The following CASP10 variants were observed in gnomAD, a reference collection of about 807,000 sequenced individuals.
CASP10 encodes caspase-10.
Under a neutral mutation model 48.5 loss-of-function variants are expected in CASP10, and 41 were observed. The ratio of observed to expected loss-of-function variants is 0.85; its 90% CI spans 0.66 to 1.10. CASP10 has a LOEUF of 1.10. Among genes scored for constraint, CASP10 ranks in the 50% least tolerant of loss-of-function variants. The pLI, the probability that CASP10 is intolerant of heterozygous loss-of-function variation, is 0.00. For missense variants in CASP10, 614 were observed against 614.5 expected (o/e 1.00, Z 0.01); for synonymous variants, 232 against 238.4 (o/e 0.97, Z 0.25).
At position 201,209,038 on chromosome 2, in the gene CASP10, TC is replaced by T; in HGVS notation, c.923-31del. Reference sequence around the variant, plus strand: ...ATTATTTCCCCTTTCTCTCTCTCTCTCTCTTTTTTTTTTTTTTTTGTTTTTA... The same window carrying T: ...ATTATTTCCCCTTTCTCTCTCTCTCTTCTTTTTTTTTTTTTTTTGTTTTTA... On this transcript the variant is annotated intron_variant, in intron 8 of 9. Transcript: ENST00000286186. 3.8e-6 allele frequency: 6 copies of T among 1,561,946 alleles called. No homozygotes were observed. In the South Asian group the frequency reaches 4.6e-5, roughly 12 times the overall value.
chr2:201,213,826 T>A (rs1030463356), intron 9 of CASP10: 2 of 152,162 alleles, frequency 1.3e-5, no homozygotes, highest in South Asian at 4.1e-4. Context: ...TTTAGATCAG[T>A]TTGTCGTAGA....
chr2:201,206,049 T>C (rs1349627378), intron 7 of CASP10, 76 bp downstream of exon 7: 3 of 858,900 alleles, frequency 3.5e-6, no homozygotes, highest in Admixed American at 2.1e-5. Flanking sequence ...ACGGTTTCTT[T>C]AGGGGCTCTC....
downstream of CASP10, among the ~76,000 whole-genome samples, chr2:201,225,339 T>C (rs1405628669): frequency 6.6e-6 from 1 of 152,192 alleles, no homozygotes; most frequent in African/African-American, 2.4e-5. Flanking sequence ...TAAATCCTTG[T>C]CCTCCAAATT....
At chr2:201,217,113 T>C (rs1259385598) in intron 9 of CASP10, among the ~76,000 whole-genome samples, 2 of 152,206 alleles carry the variant, frequency 1.3e-5, no homozygotes, top group African/African-American at 4.8e-5. Context: ...AGGAATTGTG[T>C]CATGTCTATC....
chr2:201,224,904 T>C (rs930390161), downstream of CASP10, among the ~76,000 whole-genome samples: 3 of 152,202 alleles, frequency 2.0e-5, no homozygotes, highest in Non-Finnish European at 4.4e-5. Context: ...TATTTATAAT[T>C]CTATTTTGCT....
intron 5 of CASP10, chr2:201,200,785 A>G (rs1944990963): frequency 5.4e-6 from 6 of 1,118,210 alleles, no homozygotes; most frequent in Non-Finnish European, 6.6e-6. Context: ...AATGGGAAAT[A>G]ACACAGAATT....
In CASP10 at chr2:201,220,373, T is replaced by G. The variant is rs1296302188; in HGVS notation, c.*2632T>G. On this transcript the variant is annotated 3_prime_UTR_variant, in exon 10 of 10. Coordinates refer to ENST00000286186, the MANE Select transcript of CASP10 (RefSeq NM_032977.4). ...CTTGGGTAACTGCCAAACTTTGCCTTCATACAATGGGTTCCAGGAAAACAA... is the reference window on the plus strand; with the variant it reads ...CTTGGGTAACTGCCAAACTTTGCCTGCATACAATGGGTTCCAGGAAAACAA... 6.2e-6 allele frequency: 1 copy of G among 160,348 alleles called. No homozygotes were observed. The highest frequency in any genetic ancestry group is 1.3e-5 in the Non-Finnish European group (1 of 75,698). The allele number at this position is 160,348 out of a possible 1,614,324, so 9.9% of individuals were successfully genotyped here.
chr2:201,204,715 C>T (rs1945140770), intron 6 of CASP10, among the ~76,000 whole-genome samples: 1 of 152,154 alleles, frequency 6.6e-6, no homozygotes, highest in African/African-American at 2.4e-5. Flanking sequence ...CAGGCTATCC[C>T]AGTGTCTATT....
intron 5 of CASP10, among the ~76,000 whole-genome samples, chr2:201,202,896 A>G (rs1945069759): frequency 6.6e-6 from 1 of 152,194 alleles, no homozygotes; most frequent in African/African-American, 2.4e-5. Context: ...TGTATGCCCA[A>G]GGTAGTGCAT....
intron 1 of CASP10, among the ~76,000 whole-genome samples, chr2:201,184,391 A>G (rs1944337423): frequency 6.6e-6 from 1 of 151,968 alleles, no homozygotes; most frequent in Non-Finnish European, 1.5e-5. Flanking sequence ...TGGCACAATC[A>G]TGGCTCACTG....
At chr2:201,187,845 C>A in intron 3 of CASP10, 46 bp downstream of exon 3, 1 of 1,331,804 alleles carries the variant, frequency 7.5e-7, no homozygotes, top group South Asian at 1.2e-5. Flanking sequence ...CTGTCTTAAT[C>A]AATGATTAGA....
At position 201,218,857 on chromosome 2, in the gene CASP10, T is replaced by C; in HGVS notation, c.*1116T>C. On this transcript the variant is annotated 3_prime_UTR_variant, in exon 10 of 10. Coordinates refer to ENST00000286186, the MANE Select transcript of CASP10 (RefSeq NM_032977.4). ...GCCAGGCCCATTTCCTGCTTTTGTG[T>C]AAGGAAGGTGCTCACATAGGAAGTT... The C allele has an allele frequency of 1.0e-6, 1 of 985,432 alleles. No homozygotes were observed. The highest frequency in any genetic ancestry group is 1.2e-6 in the Non-Finnish European group (1 of 829,932). 61.0% of individuals were successfully genotyped at this position (985,432 alleles called of 1,614,324 possible). A position where few individuals can be genotyped will look rare whatever the true frequency, so the allele number is the denominator to read the frequency against.
At position 201,227,229 on chromosome 2, in the gene CASP10, T is replaced by C. The variant is rs142971091; in HGVS notation, c.1416-1704T>C. The stretch of plus-strand genomic sequence containing the variant: ...TGCGTCTCAGTGCTGATTAATGGAA[T>C]TTAGCCACCAGATTGGGTGATTTTT... On this transcript the variant is annotated intron_variant, in intron 9 of 9. Coordinates refer to the CASP10 transcript ENST00000272879. Among the ~76,000 whole-genome samples, 403 of 152,320 alleles carry C rather than the reference T, an allele frequency of 2.6e-3. 3 individuals are homozygous for C. Among genetic ancestry groups the C allele is most frequent in the African/African-American group, 9.0e-3 (376 of 41,576 alleles).
intron 1 of CASP10, among the ~76,000 whole-genome samples, chr2:201,184,172 T>A (rs1232447638): frequency 2.0e-5 from 3 of 152,100 alleles, no homozygotes; most frequent in East Asian, 3.9e-4. Flanking sequence ...GCTTCTCTGA[T>A]TATAATGAAA....
chr2:201,199,139 A>G (rs1944921007), intron 5 of CASP10, among the ~76,000 whole-genome samples: 1 of 152,196 alleles, frequency 6.6e-6, no homozygotes, highest in African/African-American at 2.4e-5. Flanking sequence ...TGCATACATC[A>G]TGGCCTTTTA....
Position 201,219,239 on chromosome 2 carries a change from C to A in CASP10, c.*1498C>A, listed in dbSNP as rs1003515279. 9 of 195,986 alleles carry A rather than the reference C, an allele frequency of 4.6e-5. No individual in the cohort carries two copies. The East Asian group carries it at 1.3e-3, about 28-fold the overall frequency. 12.1% of individuals were successfully genotyped at this position (195,986 alleles called of 1,614,324 possible). On this transcript the variant is annotated 3_prime_UTR_variant, in exon 10 of 10. Coordinates refer to ENST00000286186, the MANE Select transcript of CASP10 (RefSeq NM_032977.4). ...GAGCCAAGATGACACAACTGCACTC[C>A]AGCTTGGGCAACAGGGCGAGACCTT...
chr2:201,203,210 G>A (rs989979288), intron 5 of CASP10, among the ~76,000 whole-genome samples: 1 of 152,052 alleles, frequency 6.6e-6, no homozygotes. Flanking sequence ...GTACCCTTGA[G>A]CATATGTCAC....
At chr2:201,205,208 TTTTTCTTTTC>T (rs375997234) in intron 6 of CASP10, among the ~76,000 whole-genome samples, 5 of 151,420 alleles carry the variant, frequency 3.3e-5, no homozygotes, top group African/African-American at 9.7e-5. Flanking sequence ...TTTCCCCTCT[TTTTTCTTTTC>T]TTTTCTTTTC....
chr2:201,186,790 G>T (rs999995374), intron 2 of CASP10, among the ~76,000 whole-genome samples: 21 of 152,072 alleles, frequency 1.4e-4, no homozygotes, highest in Admixed American at 9.2e-4. Context: ...GGGTTCGAGC[G>T]ATTCTCCTGC....
Sources: allele counts gnomAD v4.1 joint callset (sites outside exome capture counted in the v4.1 genomes callset), GRCh38; gene constraint gnomAD v4.1.1; transcripts MANE v1.5; gene names NCBI Gene and HGNC (gene_info 2026-07-23, HGNC 2026-07-21).